GNG2: variants seen among roughly 807,000 people sequenced by gnomAD.
GNG2 encodes G protein subunit gamma 2, also known as guanine nucleotide-binding protein G(I)/G(S)/G(O) subunit gamma-2.
In GNG2, 5 loss-of-function variants were observed where a neutral mutation model predicts 5.5. That is an observed-to-expected ratio of 0.91 (90% CI 0.48 to 1.92). GNG2 has a LOEUF of 1.92. Ranked by LOEUF, GNG2 falls within the 30% of genes most tolerant of loss-of-function variation. GNG2 has a pLI of 0.01. For missense variants in GNG2, 55 were observed against 88.4 expected (o/e 0.62, Z 1.52); for synonymous variants, 28 against 32.0 (o/e 0.88, Z 0.42).
At position 51,914,328 on chromosome 14, in the gene GNG2, A is replaced by C. The variant is rs1303033276; in HGVS notation, c.-29-36322A>C. ...GCCATTTCATTATGTCTGAAAGAAA[A>C]ACTGATGAAGAAACACAGGCCACAG... On this transcript the variant is annotated intron_variant, in intron 2 of 3. Coordinates refer to ENST00000556766, the MANE Select transcript of GNG2 (RefSeq NM_053064.5). 1.0e-5 allele frequency: 7 copies of C among 700,806 alleles called. No individual in the cohort carries two copies. The Admixed American group carries it at 1.4e-4, about 14-fold the overall frequency. The allele number at this position is 700,806 out of a possible 1,614,324, so 43.4% of individuals were successfully genotyped here.
At chr14:51,835,694 C>T (rs565990955) in intron 2 of GNG2, among the ~76,000 whole-genome samples, 21 of 152,254 alleles carry the variant, frequency 1.4e-4, no homozygotes, top group Admixed American at 1.0e-3. Flanking sequence ...AAAGAAAAGA[C>T]CCAAATTTTT....
intron 2 of GNG2, among the ~76,000 whole-genome samples, chr14:51,833,484 G>A (rs1004715966): frequency 7.2e-5 from 11 of 152,022 alleles, no homozygotes; most frequent in African/African-American, 2.7e-4. Flanking sequence ...CCTGGAGTAG[G>A]GTAAGACTGT....
chr14:51,951,993 C>A, intron 3 of GNG2: 1 of 662,698 alleles, frequency 1.5e-6, no homozygotes. Flanking sequence ...ACACCCAAAC[C>A]AATTAAATTA....
intron 2 of GNG2, among the ~76,000 whole-genome samples, chr14:51,893,227 A>G (rs942352697): frequency 3.9e-5 from 6 of 152,202 alleles, no homozygotes; most frequent in Admixed American, 3.9e-4. Context: ...TTGGATGCCC[A>G]TTAGTAAATA....
chr14:51,852,630 T>C (rs1315997939), intron 2 of GNG2, among the ~76,000 whole-genome samples: 1 of 152,252 alleles, frequency 6.6e-6, no homozygotes, highest in African/African-American at 2.4e-5. Context: ...TAATTATAGA[T>C]TATTTTTGCC....
At chr14:51,916,971 C>A (rs1886683219) in intron 2 of GNG2, among the ~76,000 whole-genome samples, 1 of 152,110 alleles carries the variant, frequency 6.6e-6, no homozygotes, top group East Asian at 1.9e-4. Flanking sequence ...CTATTTCAGA[C>A]CTCACCCATT....
At chr14:51,912,845 G>A (rs879733347) in intron 2 of GNG2, among the ~76,000 whole-genome samples, 3 of 151,430 alleles carry the variant, frequency 2.0e-5, no homozygotes, top group Admixed American at 1.3e-4. Flanking sequence ...GGTTTTGGGG[G>A]TGGGGGTGGG....
At chr14:51,895,505 G>A (rs1431096523) in intron 2 of GNG2, among the ~76,000 whole-genome samples, 1 of 152,198 alleles carries the variant, frequency 6.6e-6, no homozygotes, top group East Asian at 1.9e-4. Context: ...AAACTTCAGT[G>A]AGGAAGAAAT....
intron 2 of GNG2, among the ~76,000 whole-genome samples, chr14:51,934,034 G>A (rs962416032): frequency 1.6e-4 from 25 of 152,118 alleles, no homozygotes; most frequent in African/African-American, 5.8e-4. Flanking sequence ...TAGTTGCTCC[G>A]GAATAGGTTT....
At chr14:51,949,878 G>A (rs1005493660) in intron 2 of GNG2, among the ~76,000 whole-genome samples, 6 of 152,144 alleles carry the variant, frequency 3.9e-5, no homozygotes, top group Non-Finnish European at 5.9e-5. Context: ...TTTGAAGGGG[G>A]AGGGGAGCAC....
chr14:51,837,591 G>T (rs924303147), intron 2 of GNG2, among the ~76,000 whole-genome samples: 1 of 150,914 alleles, frequency 6.6e-6, no homozygotes, highest in Non-Finnish European at 1.5e-5. Flanking sequence ...AGGCCGCAGT[G>T]AGCTGAGATT....
At chr14:51,902,720 T>C (rs1174228442) in intron 2 of GNG2, among the ~76,000 whole-genome samples, 2 of 152,036 alleles carry the variant, frequency 1.3e-5, no homozygotes, top group Non-Finnish European at 2.9e-5. Flanking sequence ...AGAGAGACAC[T>C]GTCTGTACAA....
chr14:51,950,230 T>G (rs1284847798), intron 2 of GNG2, among the ~76,000 whole-genome samples: 1 of 152,170 alleles, frequency 6.6e-6, no homozygotes, highest in African/African-American at 2.4e-5. Context: ...TCGTTGTGAC[T>G]CAAACTTTAA....
chr14:51,924,724 T>C (rs1887207738), intron 2 of GNG2, among the ~76,000 whole-genome samples: 1 of 152,258 alleles, frequency 6.6e-6, no homozygotes, highest in Non-Finnish European at 1.5e-5. Flanking sequence ...ATTACAGTTC[T>C]GAGCATGGTA....
chr14:51,966,702 C>A lies in GNG2; in HGVS notation c.*15C>A. On this transcript the variant is annotated 3_prime_UTR_variant, in exon 4 of 4. Coordinates refer to ENST00000556766, the MANE Select transcript of GNG2 (RefSeq NM_053064.5). ...CCATCCTTTAAGTCTTTGAGAGGGGCCTGAAGAGCCTCCGGGCTCCTGGGA... is the reference window on the plus strand; with the variant it reads ...CCATCCTTTAAGTCTTTGAGAGGGGACTGAAGAGCCTCCGGGCTCCTGGGA... 1.2e-6 allele frequency: 2 copies of A among 1,611,598 alleles called. No homozygotes were observed. The highest frequency in any genetic ancestry group is 1.7e-6 in the Non-Finnish European group (2 of 1,177,886).
At chr14:51,882,866 T>C (rs1369474420) in intron 2 of GNG2, among the ~76,000 whole-genome samples, 2 of 151,822 alleles carry the variant, frequency 1.3e-5, no homozygotes, top group African/African-American at 4.8e-5. Context: ...AAAAATTAGC[T>C]GGACATGGTG....
intron 3 of GNG2, among the ~76,000 whole-genome samples, chr14:51,960,317 C>G (rs993710610): frequency 8.6e-5 from 13 of 151,958 alleles, no homozygotes; most frequent in African/African-American, 2.9e-4. Flanking sequence ...ATTTTTTCAT[C>G]TCTACATATT....
At chr14:51,955,228 G>A (rs777999514) in intron 3 of GNG2, among the ~76,000 whole-genome samples, 5 of 151,780 alleles carry the variant, frequency 3.3e-5, no homozygotes, top group East Asian at 3.9e-4. Flanking sequence ...TCCTTTTATC[G>A]TTCTAAAAGT....
rs184000536 is a variant in GNG2, at chr14:51,909,337, T to C, written c.-30+31680T>C. Among the ~76,000 whole-genome samples the C allele has an allele frequency of 9.2e-5, 14 of 152,324 alleles. No homozygotes were observed. The East Asian group carries it at 2.5e-3, about 27-fold the overall frequency. On this transcript the variant is annotated intron_variant, in intron 2 of 3. Transcript: ENST00000556766. ...TTCTTCAGGGCAAATCTTCAGAAGG[T>C]GAATTTTCAAGTGAAAGGGTATAAC... is the stretch of plus-strand genomic sequence containing the variant.
Sources: gnomAD v4.1 joint callset for allele counts (sites outside exome capture counted in the v4.1 genomes callset) on GRCh38, gnomAD v4.1.1 for gene constraint, MANE v1.5 for transcripts, NCBI Gene and HGNC (gene_info 2026-07-23, HGNC 2026-07-21) for gene names.